IL1RAPL2: variants seen among roughly 807,000 people sequenced by gnomAD.
The protein encoded by IL1RAPL2 is interleukin 1 receptor accessory protein like 2.
Under a neutral mutation model 44.1 loss-of-function variants are expected in IL1RAPL2, and 3 were observed. That is an observed-to-expected ratio of 0.07 (90% CI 0.03 to 0.18). The LOEUF is 0.18. Among genes scored for constraint, IL1RAPL2 ranks in the 10% least tolerant of loss-of-function variants. The pLI is 1.00. For synonymous variants in IL1RAPL2, 181 were observed against 178.8 expected (o/e 1.01, Z -0.10); for missense variants, 391 against 496.4 (o/e 0.79, Z 2.02).
intron 2 of IL1RAPL2, among the ~76,000 whole-genome samples, chrX:104,703,571 A>G (rs1453151610): frequency 1.8e-5 from 2 of 112,159 alleles, no homozygotes; most frequent in African/African-American, 6.5e-5. Flanking sequence ...CTGTTCATAA[A>G]TGTTCTATAA....
chrX:105,009,764 A>G (rs969912550), intron 2 of IL1RAPL2, among the ~76,000 whole-genome samples: 4 of 110,368 alleles, frequency 3.6e-5, no homozygotes, highest in African/African-American at 1.3e-4. Flanking sequence ...ATAAAATTTA[A>G]AAAAAAGAAA....
intron 5 of IL1RAPL2, among the ~76,000 whole-genome samples, chrX:105,417,463 C>A (rs1259141903): frequency 8.9e-6 from 1 of 112,587 alleles, no homozygotes; most frequent in Non-Finnish European, 1.9e-5. Flanking sequence ...ACAGAACGAG[C>A]CTTCGTCTCA....
At position 105,184,507 on chromosome X, in the gene IL1RAPL2, A is replaced by G. The variant is rs969558016; in HGVS notation, c.83-10968A>G. 7.3e-5 allele frequency among the ~76,000 whole-genome samples: 8 copies of G among 109,745 alleles called. No homozygotes were observed. The East Asian group carries it at 2.3e-3, about 31-fold the overall frequency. On this transcript the variant is annotated intron_variant, in intron 2 of 10. Transcript: ENST00000372582. ...CACATTTATAAATTATGAATATAAT[A>G]TGCAATTGAATACATTTAAATAATA...
At chrX:104,684,930 C>T (rs1930957449) in intron 2 of IL1RAPL2, among the ~76,000 whole-genome samples, 1 of 112,047 alleles carries the variant, frequency 8.9e-6, no homozygotes, top group Non-Finnish European at 1.9e-5. Flanking sequence ...AAGATAGCTT[C>T]TGTTTTCCTC....
intron 2 of IL1RAPL2, among the ~76,000 whole-genome samples, chrX:105,076,463 C>G (rs1273490924): frequency 9.0e-6 from 1 of 111,300 alleles, no homozygotes; most frequent in Non-Finnish European, 1.9e-5. Flanking sequence ...TTACATCCAA[C>G]TATGTGTTCA....
intron 6 of IL1RAPL2, among the ~76,000 whole-genome samples, chrX:105,550,735 T>C (rs991976448): frequency 9.0e-6 from 1 of 111,197 alleles, no homozygotes; most frequent in Non-Finnish European, 1.9e-5. Context: ...TCACAGGGCA[T>C]ACTAAATTGT....
At chrX:104,919,833 G>A (rs1200788476) in intron 2 of IL1RAPL2, among the ~76,000 whole-genome samples, 3 of 109,949 alleles carry the variant, frequency 2.7e-5, no homozygotes, top group African/African-American at 3.3e-5. Flanking sequence ...GAGCCACTGC[G>A]CCCAGCCCAG....
chrX:105,422,066 T>A (rs1445472448), intron 5 of IL1RAPL2, among the ~76,000 whole-genome samples: 1 of 112,331 alleles, frequency 8.9e-6, no homozygotes, highest in Non-Finnish European at 1.9e-5. Context: ...ATGGTAGGAC[T>A]GATTTGTTTT....
At chrX:105,324,706 TA>T (rs2034922533) in intron 5 of IL1RAPL2, among the ~76,000 whole-genome samples, 1 of 112,416 alleles carries the variant, frequency 8.9e-6, no homozygotes, top group Non-Finnish European at 1.9e-5. Flanking sequence ...TTACTGCTAG[TA>T]AGTAACAAAG....
intron 1 of IL1RAPL2, among the ~76,000 whole-genome samples, chrX:104,629,813 C>T (rs1224761780): frequency 8.9e-6 from 1 of 111,744 alleles, no homozygotes; most frequent in Non-Finnish European, 1.9e-5. Flanking sequence ...TTCTTAGAGC[C>T]TTTATTGACA....
intron 1 of IL1RAPL2, among the ~76,000 whole-genome samples, chrX:104,610,345 CCT>C (rs1208232297): frequency 1.8e-5 from 2 of 110,917 alleles, no homozygotes; most frequent in Non-Finnish European, 3.8e-5. Flanking sequence ...TCAAATTGTC[CCT>C]GTTTGCAGAT....
chrX:104,838,396 T>C (rs1243590077), intron 2 of IL1RAPL2, among the ~76,000 whole-genome samples: 1 of 111,647 alleles, frequency 9.0e-6, no homozygotes, highest in Admixed American at 9.5e-5. Flanking sequence ...TCCTCCTTTA[T>C]TTCCTTGAGC....
intron 6 of IL1RAPL2, among the ~76,000 whole-genome samples, chrX:105,491,688 A>G (rs749379967): frequency 8.9e-6 from 1 of 111,866 alleles, no homozygotes; most frequent in African/African-American, 3.2e-5. Context: ...AGCGTGAGCT[A>G]CCCCAAACTG....
chrX:105,030,209 G>C (rs1368145176), intron 2 of IL1RAPL2, among the ~76,000 whole-genome samples: 5 of 111,541 alleles, frequency 4.5e-5, no homozygotes, highest in Non-Finnish European at 9.4e-5. Flanking sequence ...TGTTCACTCT[G>C]ATGGTAGTTT....
intron 6 of IL1RAPL2, among the ~76,000 whole-genome samples, chrX:105,660,829 G>A (rs1452463759): frequency 9.0e-6 from 1 of 110,779 alleles, no homozygotes; most frequent in East Asian, 2.8e-4. Context: ...GAAGAAAATT[G>A]CCTTCACTAA....
intron 2 of IL1RAPL2, among the ~76,000 whole-genome samples, chrX:105,068,001 T>C (rs1602932825): frequency 8.9e-6 from 1 of 112,077 alleles, no homozygotes; most frequent in Admixed American, 9.5e-5. Flanking sequence ...AGCTAAAGAG[T>C]AGGCTCTCCA....
At chrX:105,193,084 T>C (rs782260788) in intron 2 of IL1RAPL2, among the ~76,000 whole-genome samples, 123 of 112,124 alleles carry the variant, frequency 1.1e-3, no homozygotes, top group African/African-American at 3.7e-3. Context: ...GTACTTACCA[T>C]GTCCCATCAC....
intron 5 of IL1RAPL2, among the ~76,000 whole-genome samples, chrX:105,385,287 C>G (rs975462084): frequency 1.4e-4 from 16 of 110,462 alleles, no homozygotes; most frequent in Admixed American, 2.9e-4. Context: ...ATACTCTTTA[C>G]GCATTCAATT....
chrX:105,590,112 C>A (rs1465286831), intron 6 of IL1RAPL2, among the ~76,000 whole-genome samples: 1 of 111,426 alleles, frequency 9.0e-6, no homozygotes, highest in Non-Finnish European at 1.9e-5. Flanking sequence ...AGCTGTATTA[C>A]TAGGTATTTT....
Sources: allele counts gnomAD v4.1 joint callset (sites outside exome capture counted in the v4.1 genomes callset), GRCh38; gene constraint gnomAD v4.1.1; transcripts MANE v1.5; gene names NCBI Gene and HGNC (gene_info 2026-07-23, HGNC 2026-07-21).